Variants in FGD5 observed in about 807,000 individuals in gnomAD.
FGD5 encodes FYVE, RhoGEF and PH domain-containing protein 5.
Under a neutral mutation model 133.4 loss-of-function variants are expected in FGD5, and 28 were observed. That is an observed-to-expected ratio of 0.21 (90% CI 0.16 to 0.29). The LOEUF (loss-of-function observed/expected upper bound fraction) is 0.29. Ranked by LOEUF, FGD5 falls within the 10% of genes least tolerant of loss-of-function variation. FGD5 has a pLI of 1.00. For missense variants in FGD5, 1,858 were observed against 1,895.2 expected, an observed-to-expected ratio of 0.98 and a Z score of 0.36; for synonymous variants, 810 against 776.5, an observed-to-expected ratio of 1.04 and a Z score of -0.72.
chr3:14,814,321 T>C (rs1014781744), upstream of FGD5, among the ~76,000 whole-genome samples: 4 of 152,230 alleles, frequency 2.6e-5, no homozygotes, highest in African/African-American at 7.2e-5. Flanking sequence ...TTCCCTGGAA[T>C]GCTCTATCCA....
intron 18 of FGD5, among the ~76,000 whole-genome samples, chr3:14,926,506 C>T (rs986483999): frequency 1.3e-5 from 2 of 152,210 alleles, no homozygotes; most frequent in Non-Finnish European, 2.9e-5. Context: ...TGGAACAAGC[C>T]AGCCATGCCA....
intron 1 of FGD5, among the ~76,000 whole-genome samples, chr3:14,830,355 A>G (rs2036682871): frequency 6.6e-6 from 1 of 152,220 alleles, no homozygotes; most frequent in Non-Finnish European, 1.5e-5. Flanking sequence ...TTTAGCAATA[A>G]TTTTTAATTA....
chr3:14,827,269 A>G (rs1423763931), intron 1 of FGD5, among the ~76,000 whole-genome samples: 1 of 134,954 alleles, frequency 7.4e-6, no homozygotes, highest in Non-Finnish European at 1.6e-5. Context: ...AAATTGCCAC[A>G]TTTCTGGTAT....
intron 4 of FGD5, among the ~76,000 whole-genome samples, chr3:14,885,018 A>C (rs531868256): frequency 4.0e-5 from 6 of 150,612 alleles, no homozygotes; most frequent in Middle Eastern, 3.4e-3. Context: ...CTCCCTCCTC[A>C]CTATCTCTTT....
At chr3:14,864,347 G>A (rs1377651669) in intron 2 of FGD5, 87 bp downstream of exon 2, 13 of 1,586,978 alleles carry the variant, frequency 8.2e-6, no homozygotes, top group South Asian at 4.5e-5. Flanking sequence ...CCCTTGGTGC[G>A]GACGGAGCTG....
chr3:14,923,099 C>T lies in FGD5; in HGVS notation c.3861C>T (p.Asp1287=). 6.2e-7 allele frequency: 1 copy of T among 1,613,888 alleles called. No homozygotes were observed. The highest frequency in any genetic ancestry group is 8.5e-7 in the Non-Finnish European group (1 of 1,179,860). Residue 1287 remains aspartate, a synonymous_variant, in exon 16 of 20, where the codon GAC becomes GAT. Transcript: ENST00000285046. ...RNKYPLKYLK[D]RMAKVCDGCF... ...AGTACCCGCTGAAGTACCTGAAGGA[C>T]AGGATGGCCAAGGTCTGCGACGGCT...
intron 13 of FGD5, among the ~76,000 whole-genome samples, chr3:14,921,638 G>T (rs1331956237): frequency 2.0e-5 from 3 of 152,168 alleles, no homozygotes; most frequent in African/African-American, 7.2e-5. Flanking sequence ...TGACAATGTG[G>T]TTCCACGTCC....
chr3:14,901,098 G>C, intron 9 of FGD5, 37 bp downstream of exon 9: 5 of 1,611,742 alleles, frequency 3.1e-6, no homozygotes, highest in Non-Finnish European at 4.2e-6. Context: ...CTCAGACACA[G>C]GTTCCAGGCA....
intron 1 of FGD5, among the ~76,000 whole-genome samples, chr3:14,834,636 T>C (rs1026448937): frequency 6.6e-6 from 1 of 152,200 alleles, no homozygotes; most frequent in African/African-American, 2.4e-5. Context: ...CAGGTATACA[T>C]ATTTGTAAGT....
chr3:14,900,142 T>A (rs2038209905), intron 7 of FGD5, among the ~76,000 whole-genome samples: 1 of 152,214 alleles, frequency 6.6e-6, no homozygotes, highest in Non-Finnish European at 1.5e-5. Flanking sequence ...TGTGTCTGTC[T>A]CCAAGGCATG....
At chr3:14,932,064 T>C (rs891149116) in intron 18 of FGD5, 1 of 152,194 alleles carries the variant, frequency 6.6e-6, no homozygotes, top group African/African-American at 2.4e-5. Flanking sequence ...TGAGACATAT[T>C]GTCTCAACAT....
intron 2 of FGD5, among the ~76,000 whole-genome samples, chr3:14,867,643 G>A (rs553192358): frequency 5.3e-5 from 8 of 152,042 alleles, no homozygotes; most frequent in African/African-American, 1.9e-4. Flanking sequence ...CTGTGGAGAT[G>A]GGAAGGGAGG....
chr3:14,914,845 G>T (rs903104954), intron 11 of FGD5, among the ~76,000 whole-genome samples: 4 of 152,194 alleles, frequency 2.6e-5, no homozygotes, highest in Non-Finnish European at 4.4e-5. Flanking sequence ...GGGAGTGCAC[G>T]TTAGGACTGT....
chr3:14,902,882 C>G (rs2125136698), intron 9 of FGD5, among the ~76,000 whole-genome samples: 1 of 152,322 alleles, frequency 6.6e-6, no homozygotes, highest in Admixed American at 6.5e-5. Flanking sequence ...ACACACAGCC[C>G]CACCCAGAGG....
At chr3:14,829,416 G>A (rs765143381) in intron 1 of FGD5, among the ~76,000 whole-genome samples, 31 of 152,122 alleles carry the variant, frequency 2.0e-4, no homozygotes, top group Non-Finnish European at 4.0e-4. Context: ...TGGGAGATTC[G>A]TGAAGAGATG....
In FGD5 at chr3:14,828,270, C is replaced by T. The variant is rs115409464; in HGVS notation, c.2525+6674C>T. On this transcript the variant is annotated intron_variant, in intron 1 of 19. Transcript: ENST00000285046. ...GACCCAAAGAGTAGGAGTCCAGAGG[C>T]GGGCAGGATGTCTTCATGGACAAAG... Among the ~76,000 whole-genome samples, 379 of 152,106 alleles carry T rather than the reference C, an allele frequency of 2.5e-3. 2 individuals carry two copies. The highest frequency in any genetic ancestry group is 8.8e-3 in the African/African-American group (363 of 41,466).
intron 4 of FGD5, among the ~76,000 whole-genome samples, chr3:14,886,613 T>TACTTCCC (rs1035940761): frequency 6.6e-6 from 1 of 152,226 alleles, no homozygotes; most frequent in African/African-American, 2.4e-5. Flanking sequence ...ACTGTAGGTG[T>TACTTCCC]ACTTCCCTCC....
Position 14,820,032 on chromosome 3 carries a change from G to T in FGD5, c.961G>T (p.Ala321Ser), listed in dbSNP as rs546389054. 5.6e-6 allele frequency: 9 copies of T among 1,613,994 alleles called. No homozygotes were observed. The highest frequency in any genetic ancestry group is 7.6e-6 in the Non-Finnish European group (9 of 1,179,888). The change falls in exon 1 of 20, where the codon GCC becomes TCC. Residue 321 changes from alanine (A) to serine (S), a missense_variant. Physicochemically the swap from Ala to Ser is moderately conservative, Grantham distance 99. Around this residue, in one of 3 missense-constraint regions of FGD5, gnomAD observed 1,824 missense variants for 1,848.9 expected, o/e 0.99. Transcript: ENST00000285046. ...TLEDHAQDESAEESCQIVPFE... is the reference protein window; with the variant it reads ...TLEDHAQDESSEESCQIVPFE... ...GGAGGACCATGCACAGGATGAGTCC[G>T]CCGAGGAGAGCTGCCAGATTGTCCC...
At chr3:14,863,260 G>C (rs1292939279) in intron 1 of FGD5, among the ~76,000 whole-genome samples, 1 of 152,220 alleles carries the variant, frequency 6.6e-6, no homozygotes, top group Non-Finnish European at 1.5e-5. Context: ...AATGGCAAGA[G>C]GGAGCCACTG....
Sources: gnomAD v4.1 joint callset for allele counts (sites outside exome capture counted in the v4.1 genomes callset) on GRCh38, gnomAD v4.1.1 for gene constraint, gnomAD v4.1.1 regional missense constraint, MANE v1.5 for transcripts, NCBI Gene and HGNC (gene_info 2026-07-23, HGNC 2026-07-21) for gene names.